The following DENND2C variants were observed in gnomAD, a reference collection of about 807,000 sequenced individuals.
The protein encoded by DENND2C is DENN domain containing 2C, also known as DENN domain-containing protein 2C.
DENND2C carries 72 observed loss-of-function variants against 112.4 expected under a neutral mutation model. The observed-to-expected ratio is 0.64, with a 90% CI of 0.53 to 0.78. The LOEUF (loss-of-function observed/expected upper bound fraction) is 0.78, where lower values mean the gene tolerates loss of function less well. Among genes scored for constraint, DENND2C ranks in the 30% least tolerant of loss-of-function variants. The pLI, the probability that DENND2C is intolerant of heterozygous loss-of-function variation, is 0.00. For missense variants in DENND2C, 992 were observed against 1,113.8 expected, an observed-to-expected ratio of 0.89 and a Z score of 1.56; for synonymous variants, 329 against 381.6, an observed-to-expected ratio of 0.86 and a Z score of 1.61.
intron 3 of DENND2C, among the ~76,000 whole-genome samples, chr1:114,634,462 TA>T (rs1182965446): frequency 6.6e-6 from 1 of 151,976 alleles, no homozygotes; most frequent in Non-Finnish European, 1.5e-5. Context: ...GCCTCCTGAG[TA>T]GCTGGGACTA....
chr1:114,595,923 A>G, intron 16 of DENND2C, 50 bp from the exon 17 acceptor site: 1 of 1,522,128 alleles, frequency 6.6e-7, no homozygotes, highest in Non-Finnish European at 9.1e-7. Context: ...TTCACAGACA[A>G]ATACAGGCAA....
intron 2 of DENND2C, among the ~76,000 whole-genome samples, chr1:114,646,769 C>T (rs1004553115): frequency 2.0e-5 from 3 of 152,100 alleles, no homozygotes; most frequent in African/African-American, 7.2e-5. Flanking sequence ...TCCTAATGTA[C>T]CATCTTGTGT....
chr1:114,626,496 G>C (rs1465609691), intron 3 of DENND2C, among the ~76,000 whole-genome samples: 3 of 146,570 alleles, frequency 2.0e-5, no homozygotes, highest in Admixed American at 1.4e-4. Context: ...CAATATTTTT[G>C]TAATAAATTA....
Position 114,602,202 on chromosome 1 carries a change from A to G in DENND2C, c.1668-8T>C, listed in dbSNP as rs1470404773. On this transcript the variant is annotated splice_region_variant and splice_polypyrimidine_tract_variant and intron_variant, in intron 11 of 20. Transcript: ENST00000393274. ...ACAAAGGAGAATGTTTCACTGAAAA[A>G]AGAGCCAATAGTTAGTTTAGGATCC... 9.3e-6 allele frequency: 15 copies of G among 1,613,036 alleles called. No homozygotes were observed. The highest frequency in any genetic ancestry group is 1.6e-4 in the Middle Eastern group (1 of 6,078).
chr1:114,587,247 A>G lies in DENND2C; in HGVS notation c.2755+140T>C, dbSNP rs145188729. 1,264 of 868,202 alleles carry G rather than the reference A, an allele frequency of 1.5e-3. 3 individuals carry two copies. Among genetic ancestry groups the G allele is most frequent in the Middle Eastern group, 9.1e-3 (40 of 4,398 alleles). 53.8% of individuals were successfully genotyped at this position (868,202 alleles called of 1,614,324 possible). The stretch of plus-strand genomic sequence containing the variant: ...TTTTGTGTAGGGATGGGGTCTCACT[A>G]TGTTGCCCACGCTGGTCTCAAACTC... On this transcript the variant is annotated intron_variant, in intron 20 of 20. Coordinates refer to ENST00000393274, the MANE Select transcript of DENND2C (RefSeq NM_001256404.2).
intron 9 of DENND2C, among the ~76,000 whole-genome samples, chr1:114,609,883 G>A (rs889704556): frequency 6.6e-6 from 1 of 152,166 alleles, no homozygotes; most frequent in Non-Finnish European, 1.5e-5. Context: ...TTACCTCAAA[G>A]GGCTGAGTTC....
intron 5 of DENND2C, 65 bp downstream of exon 5, chr1:114,623,442 C>G: frequency 6.7e-7 from 1 of 1,500,172 alleles, no homozygotes; most frequent in Non-Finnish European, 9.1e-7. Context: ...AAATACCATC[C>G]TACAATTAAG....
At chr1:114,609,462 G>C (rs1011515058) in intron 9 of DENND2C, among the ~76,000 whole-genome samples, 11 of 152,100 alleles carry the variant, frequency 7.2e-5, no homozygotes, top group African/African-American at 2.7e-4. Context: ...ACACACAAGA[G>C]AAAAAAATTA....
chr1:114,649,556 T>A (rs922206510), intron 2 of DENND2C, among the ~76,000 whole-genome samples: 7 of 152,062 alleles, frequency 4.6e-5, no homozygotes, highest in East Asian at 3.9e-4. Context: ...AATTTTTTTT[T>A]AAATAGAGAC....
At chr1:114,632,874 G>A (rs1656533735) in intron 3 of DENND2C, among the ~76,000 whole-genome samples, 1 of 151,938 alleles carries the variant, frequency 6.6e-6, no homozygotes, top group Admixed American at 6.6e-5. Flanking sequence ...GCAGGATCAC[G>A]TAAAAATTTT....
intron 8 of DENND2C, among the ~76,000 whole-genome samples, chr1:114,617,850 T>C (rs547895174): frequency 6.6e-6 from 1 of 152,262 alleles, no homozygotes; most frequent in East Asian, 1.9e-4. Context: ...GTCTCAATGG[T>C]TTATGATTAT....
rs139285200 is a variant in DENND2C, at chr1:114,625,322, G to A, written c.663C>T (p.Ser221=). ...CTTTATACGGCGTAACACCAGATTC[G>A]GATAAATATCTGAATGTCCTACGAG... ...PKPRRTFRYL[S]ESGVTPYKER... The change falls in exon 4 of 21, where the codon TCC becomes TCT. Residue 221 remains serine (S), a synonymous_variant. Transcript: ENST00000393274. The A allele has an allele frequency of 5.6e-6, 9 of 1,613,942 alleles. No homozygotes were observed. The highest frequency in any genetic ancestry group is 4.0e-5 in the African/African-American group (3 of 74,900).
At position 114,591,976 on chromosome 1, in the gene DENND2C, C is replaced by T. The variant is rs544998561; in HGVS notation, c.2431+2497G>A. On this transcript the variant is annotated intron_variant, in intron 18 of 20. Transcript: ENST00000393274. ...CTTGGCTCACTGCAACCTCCACCTC[C>T]CGGGTTCAAGCGATTCTCCTGCCTC... is the stretch of plus-strand genomic sequence containing the variant. Among the ~76,000 whole-genome samples the T allele has an allele frequency of 1.1e-4, 16 of 152,050 alleles. No individual in the cohort carries two copies. In the East Asian group the frequency reaches 3.1e-3, roughly 29 times the overall value.
intron 2 of DENND2C, among the ~76,000 whole-genome samples, chr1:114,646,733 G>T (rs756290300): frequency 6.6e-6 from 1 of 152,142 alleles, no homozygotes; most frequent in Non-Finnish European, 1.5e-5. Context: ...ATGAATACAA[G>T]TAGCATTTCT....
In DENND2C at chr1:114,583,219, G is replaced by A. The variant is rs1654945309; in HGVS notation, c.*2381C>T. ...AAGACAGGCTCAGTTCTATTCCCTG[G>A]ACCCACATCTGTAGGAATTATATTA... On this transcript the variant is annotated 3_prime_UTR_variant, in exon 21 of 21. Coordinates refer to ENST00000393274, the MANE Select transcript of DENND2C (RefSeq NM_001256404.2). 1 of 152,024 alleles carries A rather than the reference G, an allele frequency of 6.6e-6. No homozygotes were observed. The highest frequency in any genetic ancestry group is 2.4e-5 in the African/African-American group (1 of 41,366). The allele number at this position is 152,024 out of a possible 1,614,324, so 9.4% of individuals were successfully genotyped here.
In DENND2C at chr1:114,622,125, T is replaced by C. The variant is rs1264249389; in HGVS notation, c.1057-60A>G. On this transcript the variant is annotated intron_variant, in intron 6 of 20. Transcript: ENST00000393274. Reference sequence around the variant, plus strand: ...TAGTTTTGCTGTTGTTGCTTGTTTGTTTGTTTGAGATGGGGTCTTGCTCTG... The same window carrying C: ...TAGTTTTGCTGTTGTTGCTTGTTTGCTTGTTTGAGATGGGGTCTTGCTCTG... 14 of 1,463,754 alleles carry C rather than the reference T, an allele frequency of 9.6e-6. 1 individual carries two copies. In the East Asian group the frequency reaches 3.2e-4, roughly 34 times the overall value. The allele number at this position is 1,463,754 out of a possible 1,614,324, so 90.7% of individuals were successfully genotyped here. A position where few individuals can be genotyped will look rare whatever the true frequency, so the allele number is the denominator to read the frequency against.
At chr1:114,631,380 A>T (rs146422023) in intron 3 of DENND2C, among the ~76,000 whole-genome samples, 196 of 152,164 alleles carry the variant, frequency 1.3e-3, no homozygotes, top group African/African-American at 4.5e-3. Context: ...AAAATAAATT[A>T]AAAAAAATAA....
At chr1:114,657,218 G>A (rs1037058527) in intron 1 of DENND2C, among the ~76,000 whole-genome samples, 4 of 152,148 alleles carry the variant, frequency 2.6e-5, no homozygotes. Context: ...GCATCTCACT[G>A]TGGTTTCCAT....
Position 114,608,761 on chromosome 1 carries a change from A to G in DENND2C, c.1482T>C (p.Phe494=), listed in dbSNP as rs138393625. ...GTTTCTTCTGTAGAGACACCACCAC[A>G]AAAAGTTCAAACAGCTGCTGCTCCT... ...ELQEQQLFEL[F]VVVSLQKKPS... The change falls in exon 10 of 21, where the codon TTT becomes TTC. Residue 494 remains phenylalanine, a synonymous_variant. Coordinates refer to ENST00000393274, the MANE Select transcript of DENND2C (RefSeq NM_001256404.2). 1.7e-5 allele frequency: 27 copies of G among 1,614,110 alleles called. No individual in the cohort carries two copies. The African/African-American group carries it at 3.2e-4, about 19-fold the overall frequency.
Sources: gnomAD v4.1 joint callset for allele counts (sites outside exome capture counted in the v4.1 genomes callset) on GRCh38, gnomAD v4.1.1 for gene constraint, MANE v1.5 for transcripts, NCBI Gene and HGNC (gene_info 2026-07-23, HGNC 2026-07-21) for gene names.